Variants in MREG observed in about 807,000 individuals in gnomAD.
The protein encoded by MREG is dilute suppressor protein homolog.
A neutral mutation model predicts 28.5 loss-of-function variants in MREG; 31 were observed. The observed-to-expected ratio is 1.09, with a 90% confidence interval of 0.82 to 1.47. The LOEUF (loss-of-function observed/expected upper bound fraction) is 1.47, where lower values mean the gene tolerates loss of function less well. Ranked by LOEUF, MREG falls within the 40% of genes most tolerant of loss-of-function variation. The pLI is 0.00. For missense variants in MREG, 256 were observed against 257.4 expected (o/e 0.99, Z 0.04); for synonymous variants, 106 against 95.2 (o/e 1.11, Z -0.66).
upstream of MREG, chr2:216,033,976 G>A (rs559542060): frequency 3.3e-5 from 5 of 152,176 alleles, no homozygotes; most frequent in Admixed American, 3.3e-4. Context: ...CCTGAATATG[G>A]TTTAGAATCT....
chr2:216,007,078 G>T (rs778526549), intron 1 of MREG, among the ~76,000 whole-genome samples: 1 of 152,148 alleles, frequency 6.6e-6, no homozygotes, highest in East Asian at 1.9e-4. Flanking sequence ...GTTCGACCAC[G>T]TGTGCCTCTA....
intron 1 of MREG, among the ~76,000 whole-genome samples, chr2:216,003,017 T>A (rs181505503): frequency 3.9e-5 from 6 of 152,214 alleles, no homozygotes; most frequent in African/African-American, 1.4e-4. Flanking sequence ...TTTCTGATAC[T>A]GGTTTTCTCT....
At chr2:216,030,573 T>G (rs1177960758) in intron 1 of MREG, among the ~76,000 whole-genome samples, 1 of 152,026 alleles carries the variant, frequency 6.6e-6, no homozygotes, top group Non-Finnish European at 1.5e-5. Context: ...AGACGGGGTC[T>G]CGCCCTGTCA....
upstream of MREG, among the ~76,000 whole-genome samples, chr2:216,017,586 T>A (rs1413282554): frequency 6.6e-6 from 1 of 152,184 alleles, no homozygotes; most frequent in Non-Finnish European, 1.5e-5. Flanking sequence ...TGCAGCAGCA[T>A]CTGACTTTTA....
chr2:215,951,951 G>A (rs1006888344), intron 2 of MREG, among the ~76,000 whole-genome samples: 2 of 152,094 alleles, frequency 1.3e-5, no homozygotes, highest in African/African-American at 2.4e-5. Context: ...CCCTGGCAAC[G>A]ACTGTTCTAC....
rs531813289 is a variant in MREG, at chr2:215,992,200, A to G, written c.255+4106T>C. On this transcript the variant is annotated intron_variant, in intron 2 of 4. Transcript: ENST00000263268. Reference sequence around the variant, plus strand: ...GCACATCAAAAAGCTTATCCACCACAATCAAGTCAGCTTCATCCCTGGGAT... The same window carrying G: ...GCACATCAAAAAGCTTATCCACCACGATCAAGTCAGCTTCATCCCTGGGAT... Among the ~76,000 whole-genome samples, 5 of 152,294 alleles carry G rather than the reference A, an allele frequency of 3.3e-5. No homozygotes were observed. In the East Asian group the frequency reaches 9.6e-4, roughly 29 times the overall value.
At chr2:215,972,519 T>C (rs1376971979) in intron 2 of MREG, among the ~76,000 whole-genome samples, 1 of 150,864 alleles carries the variant, frequency 6.6e-6, no homozygotes, top group Non-Finnish European at 1.5e-5. Flanking sequence ...GGTGCTTGCC[T>C]GTAATCCCAG....
At chr2:216,018,968 T>G (rs1236336131) in intron 1 of MREG, among the ~76,000 whole-genome samples, 1 of 152,218 alleles carries the variant, frequency 6.6e-6, no homozygotes, top group African/African-American at 2.4e-5. Context: ...AATTTGCTTC[T>G]TAACGGCAAA....
At chr2:215,952,775 T>C (rs1039736861) in intron 2 of MREG, among the ~76,000 whole-genome samples, 1 of 152,136 alleles carries the variant, frequency 6.6e-6, no homozygotes. Context: ...CATTTAATCC[T>C]CTTCTTCCAG....
chr2:216,012,892 A>G (rs1240286184), intron 1 of MREG, among the ~76,000 whole-genome samples: 1 of 152,122 alleles, frequency 6.6e-6, no homozygotes, highest in Admixed American at 6.5e-5. Context: ...CCGATCAAAT[A>G]CCCAGTCACA....
chr2:215,954,444 C>CAACA (rs373776663), intron 2 of MREG, among the ~76,000 whole-genome samples: 1,246 of 22,256 alleles, frequency 0.056, 14 homozygotes, highest in African/African-American at 0.23. Context: ...GATCTGTGTA[C>CAACA]AACACACACA....
At chr2:215,960,825 C>G (rs921380971) in intron 2 of MREG, among the ~76,000 whole-genome samples, 6 of 151,870 alleles carry the variant, frequency 4.0e-5, no homozygotes, top group African/African-American at 1.5e-4. Context: ...CAGGGCGAGA[C>G]TCCATCACAA....
chr2:215,992,810 C>G lies in MREG; in HGVS notation c.255+3496G>C, dbSNP rs145881195. The stretch of plus-strand genomic sequence containing the variant: ...GCCAAATCATAAATGAACTCCCATT[C>G]ACAATTGCCACAAAGAGAATTAAAT... On this transcript the variant is annotated intron_variant, in intron 2 of 4. Transcript: ENST00000263268. Among the ~76,000 whole-genome samples the G allele has an allele frequency of 2.4e-3, 371 of 152,282 alleles. 1 individual carries two copies. The highest frequency in any genetic ancestry group is 8.3e-3 in the African/African-American group (345 of 41,540).
At chr2:216,004,376 A>C (rs190100063) in intron 1 of MREG, among the ~76,000 whole-genome samples, 9 of 152,302 alleles carry the variant, frequency 5.9e-5, no homozygotes, top group Admixed American at 3.9e-4. Flanking sequence ...CCACTAGAAC[A>C]AAAGCCACGA....
chr2:215,964,716 T>C (rs1186707681), intron 2 of MREG, among the ~76,000 whole-genome samples: 1 of 152,216 alleles, frequency 6.6e-6, no homozygotes, highest in Admixed American at 6.5e-5. Flanking sequence ...TTTTGTATTA[T>C]GATTGAGTTA....
chr2:216,013,289 G>A lies in MREG; in HGVS notation c.39C>T (p.Cys13=). The A allele has an allele frequency of 6.5e-7, 1 of 1,549,588 alleles. No individual in the cohort carries two copies. The highest frequency in any genetic ancestry group is 8.7e-7 in the Non-Finnish European group (1 of 1,146,566). ...LRDWLRTVCC[C]CGCECLEERA... is the part of the protein sequence containing the mutation. The stretch of plus-strand genomic sequence containing the variant: ...GCTCCTCCAAGCACTCGCACCCGCA[G>A]CAGCAGCACACGGTTCTCAGCCAGT... The change falls in exon 1 of 5, where the codon TGC becomes TGT. Residue 13 remains cysteine (C), a synonymous_variant. Transcript: ENST00000263268.
chr2:215,948,195 T>C (rs899805249), intron 2 of MREG, among the ~76,000 whole-genome samples: 1 of 152,226 alleles, frequency 6.6e-6, no homozygotes, highest in African/African-American at 2.4e-5. Context: ...CATGACTGTT[T>C]AAGAAAAACC....
chr2:215,939,763 A>G (rs929987478), downstream of MREG: 4 of 152,220 alleles, frequency 2.6e-5, no homozygotes, highest in African/African-American at 9.7e-5. Context: ...TTAAGCAACC[A>G]TCTCTAGAAA....
At chr2:216,017,713 T>C (rs1353244549), upstream of MREG, among the ~76,000 whole-genome samples, 1 of 152,146 alleles carries the variant, frequency 6.6e-6, no homozygotes, top group East Asian at 1.9e-4. Flanking sequence ...TATTTTCAGA[T>C]TTCCCCATAG....
Sources: gnomAD v4.1 joint callset for allele counts (sites outside exome capture counted in the v4.1 genomes callset) on GRCh38, gnomAD v4.1.1 for gene constraint, MANE v1.5 for transcripts, NCBI Gene and HGNC (gene_info 2026-07-23, HGNC 2026-07-21) for gene names.